Variants in NRK observed in about 807,000 individuals in gnomAD.
NRK encodes Nik related kinase, also known as nik-related protein kinase.
In NRK, 67 loss-of-function variants were observed where a neutral mutation model predicts 125.2. That is an observed-to-expected ratio of 0.54 (90% CI 0.44 to 0.66). The LOEUF (loss-of-function observed/expected upper bound fraction) is 0.66. Ranked by LOEUF, NRK falls within the 30% of genes least tolerant of loss-of-function variation. The pLI is 0.00. For missense variants in NRK, 1,224 were observed against 1,192.9 expected, an observed-to-expected ratio of 1.03 and a Z score of -0.38; for synonymous variants, 458 against 429.0, an observed-to-expected ratio of 1.07 and a Z score of -0.84.
intron 1 of NRK, among the ~76,000 whole-genome samples, chrX:105,829,235 T>C (rs2039155226): frequency 8.9e-6 from 1 of 112,311 alleles, no homozygotes; most frequent in Non-Finnish European, 1.9e-5. Flanking sequence ...TATTGAATGA[T>C]GTAATCCCAA....
rs766830131 is a variant in NRK, at chrX:105,946,420, G to A, written c.4309G>A (p.Asp1437Asn). The change falls in exon 26 of 29, where the codon GAT (aspartate) becomes AAT (asparagine). Residue 1437 changes from aspartate to asparagine, a missense_variant. Transcript: ENST00000243300. ...CTCAGCAGATGGATATCACCTCATCGATGCAGAATCTGAGGTTATGTCTGA... is the reference window on the plus strand; with the variant it reads ...CTCAGCAGATGGATATCACCTCATCAATGCAGAATCTGAGGTTATGTCTGA... Reference protein sequence around the residue: ...FSSADGYHLIDAESEVMSDVT... With the variant: ...FSSADGYHLINAESEVMSDVT... 6.2e-5 allele frequency: 74 copies of A among 1,195,391 alleles called. No individual in the cohort carries two copies. The highest frequency in any genetic ancestry group is 7.5e-5 in the Non-Finnish European group (66 of 882,774).
intron 20 of NRK, 120 bp from the exon 21 acceptor site, chrX:105,935,050 T>TA (rs986793432): frequency 1.0e-4 from 54 of 516,787 alleles, no homozygotes; most frequent in Admixed American, 1.4e-4. Context: ...AGGAGTAATT[T>TA]AAAAAAAATT....
chrX:105,930,753 TG>T (rs2040584337), intron 19 of NRK, among the ~76,000 whole-genome samples: 1 of 110,938 alleles, frequency 9.0e-6, no homozygotes, highest in South Asian at 4.0e-4. Flanking sequence ...AGATGGGTCC[TG>T]GGGTGTTGGT....
intron 1 of NRK, among the ~76,000 whole-genome samples, chrX:105,826,056 C>CTCTA (rs1318408761): frequency 8.5e-5 from 8 of 93,599 alleles, no homozygotes; most frequent in African/African-American, 2.7e-4. Flanking sequence ...CTCTCTCTCT[C>CTCTA]TATATATATA....
intron 1 of NRK, among the ~76,000 whole-genome samples, chrX:105,826,211 A>C: frequency 1.1e-5 from 1 of 88,626 alleles, no homozygotes. Flanking sequence ...TCATATATAT[A>C]ATAATATGTG....
intron 5 of NRK, among the ~76,000 whole-genome samples, chrX:105,888,938 G>A (rs922765793): frequency 9.0e-6 from 1 of 110,947 alleles, no homozygotes; most frequent in Non-Finnish European, 1.9e-5. Flanking sequence ...TTCATCACTG[G>A]CCCCTCCCAA....
At chrX:105,827,172 C>G (rs1392453919) in intron 1 of NRK, among the ~76,000 whole-genome samples, 1 of 111,713 alleles carries the variant, frequency 9.0e-6, no homozygotes, top group Non-Finnish European at 1.9e-5. Context: ...CTGACTATCT[C>G]TGAAACTCAC....
chrX:105,934,676 TAA>T (rs2147782769), intron 20 of NRK, among the ~76,000 whole-genome samples: 1 of 112,535 alleles, frequency 8.9e-6, no homozygotes, highest in South Asian at 3.7e-4. Flanking sequence ...GTGTGTTTTC[TAA>T]TCACAATAAC....
intron 2 of NRK, among the ~76,000 whole-genome samples, chrX:105,870,589 T>C (rs977194761): frequency 6.0e-4 from 67 of 112,040 alleles, no homozygotes; most frequent in Non-Finnish European, 9.4e-4. Flanking sequence ...TTATTGTCCA[T>C]TTTGTACAAT....
At chrX:105,911,339 A>G (rs914326816) in intron 13 of NRK, among the ~76,000 whole-genome samples, 1 of 111,955 alleles carries the variant, frequency 8.9e-6, no homozygotes, top group African/African-American at 3.2e-5. Flanking sequence ...ATGAGGTTAG[A>G]TAAGGTTAGG....
intron 1 of NRK, among the ~76,000 whole-genome samples, chrX:105,826,270 TA>T (rs2039101958): frequency 1.5e-5 from 1 of 68,890 alleles, no homozygotes; most frequent in Non-Finnish European, 2.4e-5. Context: ...ATTTCATATA[TA>T]ATATATATGA....
Position 105,953,100 on chromosome X carries a change from C to G in NRK, c.4580C>G (p.Ser1527Cys). 5 of 1,197,592 alleles carry G rather than the reference C, an allele frequency of 4.2e-6. No homozygotes were observed. Among genetic ancestry groups the G allele is most frequent in the Non-Finnish European group, 5.6e-6 (5 of 886,523 alleles). Residue 1527 changes from serine to cysteine, a missense_variant, in exon 28 of 29, where the codon TCC (serine) becomes TGC (cysteine). By Grantham distance (112) the Ser-to-Cys change is moderately radical. Coordinates refer to ENST00000243300, the MANE Select transcript of NRK (RefSeq NM_198465.4). ...GCCATTGAAGTGCGCTCTTTGCAATCCAGGGTTCTGGAAAGTGAGCTGAAG... is the reference window on the plus strand; with the variant it reads ...GCCATTGAAGTGCGCTCTTTGCAATGCAGGGTTCTGGAAAGTGAGCTGAAG... ...QKAIEVRSLQ[S>C]RVLESELKRR...
At chrX:105,892,465 G>A (rs766970092) in intron 5 of NRK, among the ~76,000 whole-genome samples, 7 of 111,745 alleles carry the variant, frequency 6.3e-5, no homozygotes, top group Non-Finnish European at 1.1e-4. Context: ...AGAAGTGTAC[G>A]TACCAGGCAC....
At chrX:105,933,190 A>G (rs1416587641) in intron 19 of NRK, among the ~76,000 whole-genome samples, 5 of 110,351 alleles carry the variant, frequency 4.5e-5, no homozygotes, top group African/African-American at 1.6e-4. Context: ...CTATCTATCT[A>G]TCTATCTATC....
chrX:105,898,806 C>A (rs1487287095), intron 8 of NRK, 92 bp downstream of exon 8: 1 of 716,603 alleles, frequency 1.4e-6, no homozygotes, highest in Non-Finnish European at 1.9e-6. Context: ...AAATAAAAAG[C>A]AGGCAGCTCC....
chrX:105,853,318 C>T (rs921541642), intron 2 of NRK, among the ~76,000 whole-genome samples: 1 of 111,698 alleles, frequency 9.0e-6, no homozygotes, highest in African/African-American at 3.3e-5. Context: ...TAGGTATTTC[C>T]GATGCATGCA....
chrX:105,943,562 G>A (rs1237868430), intron 23 of NRK, among the ~76,000 whole-genome samples: 2 of 111,975 alleles, frequency 1.8e-5, no homozygotes, highest in Non-Finnish European at 3.8e-5. Flanking sequence ...TTCAATAAAA[G>A]GCCATTGGGA....
At chrX:105,947,367 C>T (rs1700069043) in intron 26 of NRK, among the ~76,000 whole-genome samples, 2 of 52,603 alleles carry the variant, frequency 3.8e-5, no homozygotes, top group Admixed American at 3.4e-4. Flanking sequence ...GGCGTGAACC[C>T]GGGAGGCGGA....
At chrX:105,931,466 GATT>G (rs1242143656) in intron 19 of NRK, among the ~76,000 whole-genome samples, 1 of 111,695 alleles carries the variant, frequency 9.0e-6, no homozygotes, top group Non-Finnish European at 1.9e-5. Flanking sequence ...AGGACTATGA[GATT>G]CTCCTGTAGT....
Sources: allele counts gnomAD v4.1 joint callset (sites outside exome capture counted in the v4.1 genomes callset), GRCh38; gene constraint gnomAD v4.1.1; transcripts MANE v1.5; gene names NCBI Gene and HGNC (gene_info 2026-07-23, HGNC 2026-07-21).